EFNA5: variants seen among roughly 807,000 people sequenced by gnomAD.
The protein encoded by EFNA5 is ephrin A5.
In EFNA5, 5 loss-of-function variants were observed where a neutral mutation model predicts 22.9. The ratio of observed to expected loss-of-function variants is 0.22; its 90% CI spans 0.11 to 0.46. The LOEUF is 0.46. Ranked by LOEUF, EFNA5 falls within the 20% of genes least tolerant of loss-of-function variation. The probability of loss-of-function intolerance (pLI) is 0.99; values close to 1 mark genes in which losing one functional copy is unlikely to be tolerated. For missense variants in EFNA5, 237 were observed against 293.3 expected (o/e 0.81, Z 1.40); for synonymous variants, 113 against 112.2 (o/e 1.01, Z -0.04).
intron 1 of EFNA5, among the ~76,000 whole-genome samples, chr5:107,651,556 G>A (rs893463841): frequency 1.7e-4 from 26 of 151,834 alleles, no homozygotes; most frequent in East Asian, 5.8e-4. Flanking sequence ...GAGCACAGCC[G>A]ACCGCCCAAT....
chr5:107,561,268 C>A (rs1561433447), intron 1 of EFNA5, among the ~76,000 whole-genome samples: 1 of 152,128 alleles, frequency 6.6e-6, no homozygotes, highest in African/African-American at 2.4e-5. Context: ...CCATAAAATG[C>A]AATTTATAAA....
At chr5:107,538,636 G>A (rs1384769241) in intron 1 of EFNA5, among the ~76,000 whole-genome samples, 1 of 152,190 alleles carries the variant, frequency 6.6e-6, no homozygotes, top group East Asian at 1.9e-4. Context: ...TCATCTGACA[G>A]TTTGTGTAGT....
At chr5:107,617,102 C>G (rs187566500) in intron 1 of EFNA5, among the ~76,000 whole-genome samples, 332 of 152,034 alleles carry the variant, frequency 2.2e-3, no homozygotes, top group Non-Finnish European at 2.4e-3. Context: ...AGCTTTAACA[C>G]AGAAAATATT....
chr5:107,632,561 G>A (rs370344784), intron 1 of EFNA5, among the ~76,000 whole-genome samples: 9 of 151,750 alleles, frequency 5.9e-5, no homozygotes, highest in East Asian at 1.9e-4. Flanking sequence ...TCCTTTCCCC[G>A]TCTTCCTTGT....
intron 1 of EFNA5, among the ~76,000 whole-genome samples, chr5:107,597,469 A>C (rs1409184599): frequency 6.6e-6 from 1 of 152,198 alleles, no homozygotes; most frequent in Non-Finnish European, 1.5e-5. Context: ...TTTTCAGAGC[A>C]CTGAATTAGT....
intron 1 of EFNA5, among the ~76,000 whole-genome samples, chr5:107,477,941 G>C (rs1167514340): frequency 2.0e-5 from 3 of 152,120 alleles, no homozygotes; most frequent in Non-Finnish European, 4.4e-5. Context: ...CTGATATTTA[G>C]AGGTAGCATA....
In EFNA5 at chr5:107,670,711, G is replaced by C; in HGVS notation, c.-98C>G. The stretch of plus-strand genomic sequence containing the variant: ...AGGCAAAGGGACAGAGAGAGAGCGG[G>C]CGCCAAATAAATATGAATAAATAAA... On this transcript the variant is annotated 5_prime_UTR_variant, in exon 1 of 5. Transcript: ENST00000333274. 6.7e-7 allele frequency: 1 copy of C among 1,489,030 alleles called. No individual in the cohort carries two copies. The highest frequency in any genetic ancestry group is 9.0e-7 in the Non-Finnish European group (1 of 1,116,084). The allele number at this position is 1,489,030 out of a possible 1,614,324, so 92.2% of individuals were successfully genotyped here.
rs1747384387 is a variant in EFNA5, at chr5:107,379,835, T to C, written c.*1420A>G. ...TACCACTTTTTCTCACAAGTTTAAA[T>C]AGGACAAGCATATATACTCACTCTC... On this transcript the variant is annotated 3_prime_UTR_variant, in exon 5 of 5. Coordinates refer to ENST00000333274, the MANE Select transcript of EFNA5 (RefSeq NM_001962.3). The C allele has an allele frequency of 6.6e-6, 1 of 152,028 alleles. No homozygotes were observed. Among genetic ancestry groups the C allele is most frequent in the African/African-American group, 2.4e-5 (1 of 41,364 alleles). 9.4% of individuals were successfully genotyped at this position (152,028 alleles called of 1,614,324 possible).
intron 2 of EFNA5, among the ~76,000 whole-genome samples, chr5:107,394,124 T>C (rs1189856705): frequency 6.6e-6 from 1 of 152,234 alleles, no homozygotes; most frequent in East Asian, 1.9e-4. Context: ...TATGATGAAA[T>C]ACATCTCACT....
intron 1 of EFNA5, among the ~76,000 whole-genome samples, chr5:107,578,091 A>G (rs1352159212): frequency 6.6e-6 from 1 of 152,208 alleles, no homozygotes; most frequent in Non-Finnish European, 1.5e-5. Context: ...GTCTCAAGAC[A>G]ATCAAATTGG....
intron 1 of EFNA5, among the ~76,000 whole-genome samples, chr5:107,655,790 C>G (rs357108): frequency 0.97 from 148,466 of 152,284 alleles, 72,389 homozygotes; most frequent in East Asian, 1. Context: ...TGGCAGTAAT[C>G]TATTACTCAG....
rs1369184813 is a variant in EFNA5 at position 107,638,910 on chromosome 5, T to C, written c.125+31579A>G. On this transcript the variant is annotated intron_variant, in intron 1 of 4. Transcript: ENST00000333274. The stretch of plus-strand genomic sequence containing the variant: ...ATAGCTTGCTTTAGCCATTCTACAA[T>C]GTATACATACATCAAAACATTGTAA... 3.9e-5 allele frequency among the ~76,000 whole-genome samples: 6 copies of C among 152,332 alleles called. No individual in the cohort carries two copies. In the East Asian group the frequency reaches 7.7e-4, roughly 20 times the overall value.
In EFNA5 at chr5:107,509,566, C is replaced by T. The variant is rs190072034; in HGVS notation, c.126-82057G>A. Among the ~76,000 whole-genome samples, 439 of 150,608 alleles carry T rather than the reference C, an allele frequency of 2.9e-3. 2 individuals are homozygous for T. The highest frequency in any genetic ancestry group is 6.8e-3 in the Middle Eastern group (2 of 294). On this transcript the variant is annotated intron_variant, in intron 1 of 4. Coordinates refer to ENST00000333274, the MANE Select transcript of EFNA5 (RefSeq NM_001962.3). Reference sequence around the variant, plus strand: ...CAAGCTGGTCTTGAACTCCTGACCTCGTGATCCGCCCGCCTTGGCCTCCCA... The same window carrying T: ...CAAGCTGGTCTTGAACTCCTGACCTTGTGATCCGCCCGCCTTGGCCTCCCA...
chr5:107,589,890 A>C (rs1487654298), intron 1 of EFNA5, among the ~76,000 whole-genome samples: 2 of 152,166 alleles, frequency 1.3e-5, no homozygotes, highest in African/African-American at 4.8e-5. Flanking sequence ...TTCTGCTTTT[A>C]GTTAAAATTC....
chr5:107,416,275 A>G (rs1036919962), intron 2 of EFNA5, among the ~76,000 whole-genome samples: 6 of 152,206 alleles, frequency 3.9e-5, no homozygotes, highest in Non-Finnish European at 5.9e-5. Context: ...TCCAAGGTGA[A>G]GGTAGAACTT....
At chr5:107,667,781 T>C (rs1264573099) in intron 1 of EFNA5, among the ~76,000 whole-genome samples, 2 of 152,170 alleles carry the variant, frequency 1.3e-5, no homozygotes, top group Non-Finnish European at 2.9e-5. Flanking sequence ...ATAGGTTCTA[T>C]ATAAAGACAC....
chr5:107,638,767 T>A (rs1360725786), intron 1 of EFNA5, among the ~76,000 whole-genome samples: 1 of 152,182 alleles, frequency 6.6e-6, no homozygotes, highest in Non-Finnish European at 1.5e-5. Context: ...TACCGAGGGA[T>A]GAATGTACTT....
intron 1 of EFNA5, among the ~76,000 whole-genome samples, chr5:107,580,721 C>CAAAA (rs56868732): frequency 1.1e-4 from 9 of 83,648 alleles, no homozygotes; most frequent in East Asian, 1.1e-3. Flanking sequence ...GACTCCATCT[C>CAAAA]AAAAAAAAAA....
chr5:107,600,448 A>G (rs1227801188), intron 1 of EFNA5, among the ~76,000 whole-genome samples: 1 of 152,160 alleles, frequency 6.6e-6, no homozygotes, highest in African/African-American at 2.4e-5. Context: ...GAGGCCAGCA[A>G]TAAACTGAAG....
Sources: gnomAD v4.1 joint callset for allele counts (sites outside exome capture counted in the v4.1 genomes callset) on GRCh38, gnomAD v4.1.1 for gene constraint, MANE v1.5 for transcripts, NCBI Gene and HGNC (gene_info 2026-07-23, HGNC 2026-07-21) for gene names.